Variants in UNC5D observed in about 807,000 individuals in gnomAD.
UNC5D encodes unc-5 netrin receptor D.
In UNC5D, 39 loss-of-function variants were observed where a neutral mutation model predicts 105.4. The observed-to-expected ratio is 0.37, with a 90% CI of 0.29 to 0.48. UNC5D has a LOEUF of 0.48. UNC5D is among the 20% of genes least tolerant of loss of function. The pLI is 0.98. For synonymous variants in UNC5D, 452 were observed against 450.4 expected (o/e 1.00, Z -0.04); for missense variants, 991 against 1,202.4 (o/e 0.82, Z 2.60).
At position 35,241,663 on chromosome 8, in the gene UNC5D, C is replaced by G. The variant is rs552586738; in HGVS notation, c.103+5776C>G. On this transcript the variant is annotated intron_variant, in intron 1 of 16. Coordinates refer to ENST00000404895, the MANE Select transcript of UNC5D (RefSeq NM_080872.4). ...TTTTTTTTTTCAAACTTCAGAGTAG[C>G]TTTTATTTTTTATTTTTAAATTTTA... is the stretch of plus-strand genomic sequence containing the variant. Among the ~76,000 whole-genome samples the G allele has an allele frequency of 2.6e-5, 4 of 151,250 alleles. No individual in the cohort carries two copies. In the South Asian group the frequency reaches 8.4e-4, roughly 32 times the overall value.
At chr8:35,492,997 TG>T (rs1437046902) in intron 1 of UNC5D, among the ~76,000 whole-genome samples, 1 of 151,914 alleles carries the variant, frequency 6.6e-6, no homozygotes, top group Non-Finnish European at 1.5e-5. Context: ...ATTCCTAGGG[TG>T]GGGATCGTAA....
In UNC5D at chr8:35,496,923, C is replaced by T. The variant is rs143994811; in HGVS notation, c.104-52369C>T. 1.1e-3 allele frequency among the ~76,000 whole-genome samples: 169 copies of T among 152,180 alleles called. 3 individuals are homozygous for T. In the East Asian group the frequency reaches 0.025, roughly 22 times the overall value. Reference sequence around the variant, plus strand: ...CATGCAGCATAATGTTTGAGGCACACGTGTAGGGGAGAAAAAAGTCTTTTC... The same window carrying T: ...CATGCAGCATAATGTTTGAGGCACATGTGTAGGGGAGAAAAAAGTCTTTTC... On this transcript the variant is annotated intron_variant, in intron 1 of 16. Transcript: ENST00000404895.
chr8:35,697,335 G>GT (rs34967495), intron 7 of UNC5D, among the ~76,000 whole-genome samples: 500 of 139,084 alleles, frequency 3.6e-3, no homozygotes, highest in African/African-American at 4.1e-3. Flanking sequence ...TTCAGATTAT[G>GT]TTTTTTTTTT....
chr8:35,675,491 A>G (rs1213379824), intron 4 of UNC5D, among the ~76,000 whole-genome samples: 3 of 152,184 alleles, frequency 2.0e-5, no homozygotes, highest in African/African-American at 7.2e-5. Context: ...CACTTTAGAA[A>G]TCATAAAGCT....
chr8:35,442,186 G>A (rs953957483), intron 1 of UNC5D, among the ~76,000 whole-genome samples: 1 of 151,654 alleles, frequency 6.6e-6, no homozygotes, highest in Non-Finnish European at 1.5e-5. Flanking sequence ...TTAATAGCAG[G>A]GACCTACAGT....
chr8:35,406,786 T>A (rs984618189), intron 1 of UNC5D, among the ~76,000 whole-genome samples: 2 of 152,168 alleles, frequency 1.3e-5, no homozygotes, highest in Non-Finnish European at 2.9e-5. Flanking sequence ...CTATAACTAG[T>A]TGGTGACAGT....
intron 4 of UNC5D, among the ~76,000 whole-genome samples, chr8:35,602,978 G>T (rs908704263): frequency 4.7e-5 from 7 of 149,466 alleles, no homozygotes; most frequent in African/African-American, 1.5e-4. Context: ...GGGGTGTTTG[G>T]TTTTTTCAGA....
intron 1 of UNC5D, 41 bp from the exon 2 acceptor site, chr8:35,549,251 T>C (rs746221135): frequency 6.3e-7 from 1 of 1,598,760 alleles, no homozygotes; most frequent in Non-Finnish European, 8.6e-7. Flanking sequence ...GTATGTGCTA[T>C]CAATGTAGGC....
rs889726851 is a variant in UNC5D, at chr8:35,796,034, C to CGT, written c.*5473_*5474dup. The CGT allele has an allele frequency of 2.0e-5, 3 of 151,970 alleles. No homozygotes were observed. The highest frequency in any genetic ancestry group is 7.3e-5 in the African/African-American group (3 of 41,360). The allele number at this position is 151,970 out of a possible 1,614,324, so 9.4% of individuals were successfully genotyped here. A position where few individuals can be genotyped will look rare whatever the true frequency, so the allele number is the denominator to read the frequency against. On this transcript the variant is annotated 3_prime_UTR_variant, in exon 17 of 17. Coordinates refer to ENST00000404895, the MANE Select transcript of UNC5D (RefSeq NM_080872.4). ...TTTTTCTGTTTATTTTGGGAAGGTG[C>CGT]GTGGGGGTGTTCTTTCAAGTGATTC...
intron 3 of UNC5D, among the ~76,000 whole-genome samples, chr8:35,576,932 A>G (rs1217721362): frequency 6.6e-6 from 1 of 152,176 alleles, no homozygotes; most frequent in African/African-American, 2.4e-5. Flanking sequence ...GTTTTAAAAC[A>G]TTTGACGTAA....
chr8:35,667,335 A>G (rs1824489995), intron 4 of UNC5D, among the ~76,000 whole-genome samples: 1 of 152,168 alleles, frequency 6.6e-6, no homozygotes. Flanking sequence ...AACTCTTACT[A>G]TAGTTTCAAG....
intron 1 of UNC5D, among the ~76,000 whole-genome samples, chr8:35,542,360 T>C (rs780177877): frequency 5.7e-4 from 87 of 152,340 alleles, no homozygotes; most frequent in Non-Finnish European, 3.2e-4. Flanking sequence ...TTTTAGATTA[T>C]GTAACTTGGT....
chr8:35,733,445 A>T (rs1409904468), intron 11 of UNC5D, among the ~76,000 whole-genome samples: 1 of 152,036 alleles, frequency 6.6e-6, no homozygotes, highest in African/African-American at 2.4e-5. Flanking sequence ...TGCCATCCTG[A>T]ACTTGTGCTG....
intron 1 of UNC5D, among the ~76,000 whole-genome samples, chr8:35,360,673 T>C (rs957770491): frequency 1.3e-5 from 2 of 152,206 alleles, no homozygotes; most frequent in Admixed American, 1.3e-4. Flanking sequence ...CATCTTTGAA[T>C]TCAATCTATT....
chr8:35,371,154 A>C (rs1325628796), intron 1 of UNC5D, among the ~76,000 whole-genome samples: 1 of 150,326 alleles, frequency 6.7e-6, no homozygotes, highest in Admixed American at 6.7e-5. Flanking sequence ...TCAAGGTTGC[A>C]GTGAGCTATG....
chr8:35,641,385 AG>A lies in UNC5D; in HGVS notation c.571-42161del, dbSNP rs370424301. ...ATAAAGCAAAAAAAAAAAAAAAAAAAGAAAAAAAAAAACAGCATCTACAACA... is the reference window on the plus strand; with the variant it reads ...ATAAAGCAAAAAAAAAAAAAAAAAAAAAAAAAAAAAACAGCATCTACAACA... On this transcript the variant is annotated intron_variant, in intron 4 of 16. Transcript: ENST00000404895. 1.1e-3 allele frequency among the ~76,000 whole-genome samples: 164 copies of A among 147,926 alleles called. 1 individual carries two copies. Among genetic ancestry groups the A allele is most frequent in the Non-Finnish European group, 1.9e-3 (126 of 66,688 alleles).
chr8:35,274,257 G>A (rs1563270746), intron 1 of UNC5D, among the ~76,000 whole-genome samples: 1 of 152,188 alleles, frequency 6.6e-6, no homozygotes, highest in Non-Finnish European at 1.5e-5. Flanking sequence ...AGGACTGCCA[G>A]GGTGAAAAGC....
At chr8:35,657,109 T>TAC (rs1169819618) in intron 4 of UNC5D, among the ~76,000 whole-genome samples, 24 of 117,002 alleles carry the variant, frequency 2.1e-4, no homozygotes, top group African/African-American at 6.9e-4. Context: ...TATATATATA[T>TAC]ATATATATAT....
chr8:35,309,058 T>C (rs1050061532), intron 1 of UNC5D, among the ~76,000 whole-genome samples: 1 of 152,108 alleles, frequency 6.6e-6, no homozygotes, highest in Non-Finnish European at 1.5e-5. Context: ...AAAAACTGTT[T>C]TCCATAAAAA....
Sources: allele counts gnomAD v4.1 joint callset (sites outside exome capture counted in the v4.1 genomes callset), GRCh38; gene constraint gnomAD v4.1.1; transcripts MANE v1.5; gene names NCBI Gene and HGNC (gene_info 2026-07-23, HGNC 2026-07-21).